DDR1: variants seen among roughly 807,000 people sequenced by gnomAD.
The protein encoded by DDR1 is discoidin domain receptor tyrosine kinase 1.
DDR1 carries 64 observed loss-of-function variants against 97.4 expected under a neutral mutation model. The ratio of observed to expected loss-of-function variants is 0.66; its 90% confidence interval spans 0.54 to 0.81. The LOEUF is 0.81. Ranked by LOEUF, DDR1 falls within the 30% of genes least tolerant of loss-of-function variation. The pLI is 0.00. For missense variants in DDR1, 990 were observed against 1,259.6 expected, an observed-to-expected ratio of 0.79 and a Z score of 3.24; for synonymous variants, 458 against 503.7, an observed-to-expected ratio of 0.91 and a Z score of 1.21.
chr6:30,891,025 C>A lies in DDR1; in HGVS notation c.470C>A (p.Pro157His), dbSNP rs1437728449. 6.2e-7 allele frequency: 1 copy of A among 1,612,722 alleles called. No individual in the cohort carries two copies. The highest frequency in any genetic ancestry group is 1.3e-5 in the African/African-American group (1 of 74,926). ...GGAGTGGTGCTGAAGGACCTTGGGC[C>A]CCCCATGGTTGCCCGACTGGTTCGC... ...PEGVVLKDLG[P>H]PMVARLVRFY... is the part of the protein sequence containing the mutation. The change falls in exon 5 of 18, where the codon CCC (proline) becomes CAC (histidine). Residue 157 changes from proline to histidine, a missense_variant. Transcript: ENST00000376568. The surrounding 1 kb of genome is among the most constrained non-coding windows in gnomAD (Gnocchi z 5.3).
Position 30,888,247 on chromosome 6 carries a change from T to C in DDR1, c.-42-441T>C, listed in dbSNP as rs1225345054. On this transcript the variant is annotated intron_variant, in intron 1 of 17. Coordinates refer to ENST00000376568, the MANE Select transcript of DDR1 (RefSeq NM_001297654.2). This position sits in a 1 kb window ranked among gnomAD's most constrained non-coding sequence, Gnocchi z 4.2. ...TGGGTTACTTATATATTTTTTCTTG[T>C]CAGTTCCTAAGGGGCCTTAGTTTAT... 1 of 156,830 alleles carries C rather than the reference T, an allele frequency of 6.4e-6. No individual in the cohort carries two copies. The highest frequency in any genetic ancestry group is 1.4e-5 in the Non-Finnish European group (1 of 71,398). The allele number at this position is 156,830 out of a possible 1,614,324, so 9.7% of individuals were successfully genotyped here.
intron 8 of DDR1, 128 bp downstream of exon 8, chr6:30,892,670 A>G: frequency 7.7e-7 from 1 of 1,296,918 alleles, no homozygotes; most frequent in South Asian, 1.5e-5. Flanking sequence ...AAACTTCTCA[A>G]TTAGGGGTGC....
At chr6:30,899,064 G>T (rs1158905045) in intron 17 of DDR1, 27 bp downstream of exon 17, 3 of 1,614,132 alleles carry the variant, frequency 1.9e-6, no homozygotes, top group Non-Finnish European at 2.5e-6. Flanking sequence ...GGGAAGATGG[G>T]TCCGAGGCGG....
In DDR1 at chr6:30,892,368, C is replaced by T. The variant is rs779635308; in HGVS notation, c.925C>T (p.Pro309Ser). 5.0e-6 allele frequency: 8 copies of T among 1,585,680 alleles called. No individual in the cohort carries two copies. The highest frequency in any genetic ancestry group is 6.9e-6 in the Non-Finnish European group (8 of 1,167,430). Residue 309 changes from proline (P) to serine (S), a missense_variant, in exon 8 of 18, where the codon CCT becomes TCT. Transcript: ENST00000376568. Reference sequence around the variant, plus strand: ...GGTGGAATGTCGCTTCCGGCGTGGCCCTGCCATGGCCTGGGAGGGGGAGCC... The same window carrying T: ...GGTGGAATGTCGCTTCCGGCGTGGCTCTGCCATGGCCTGGGAGGGGGAGCC... ...GGVECRFRRGPAMAWEGEPMR... is the reference protein window; with the variant it reads ...GGVECRFRRGSAMAWEGEPMR...
chr6:30,898,840 C>T (rs775637281), intron 16 of DDR1, 48 bp from the exon 17 acceptor site: 7 of 1,572,926 alleles, frequency 4.5e-6, no homozygotes, highest in Admixed American at 3.4e-5. Flanking sequence ...GGAGGGTCTA[C>T]GTTGCCTGAT....
rs751855794 is a variant in DDR1 at position 30,892,361 on chromosome 6, G to T, written c.918G>T (p.Arg306=). ...RLPGGVECRF[R]RGPAMAWEGE... ...CTGGCGGGGTGGAATGTCGCTTCCG[G>T]CGTGGCCCTGCCATGGCCTGGGAGG... Residue 306 remains arginine (R), a synonymous_variant, in exon 8 of 18, where the codon CGG becomes CGT. Coordinates refer to ENST00000376568, the MANE Select transcript of DDR1 (RefSeq NM_001297654.2). 2 of 1,583,956 alleles carry T rather than the reference G, an allele frequency of 1.3e-6. No homozygotes were observed. Among genetic ancestry groups the T allele is most frequent in the Non-Finnish European group, 8.6e-7 (1 of 1,166,098 alleles).
rs55787895 is a variant in DDR1 at position 30,894,663 on chromosome 6, A to G, written c.1505A>G (p.Asn502Ser). 16,628 of 1,602,992 alleles carry G rather than the reference A, an allele frequency of 0.01. 153 individuals carry two copies. The highest frequency in any genetic ancestry group is 0.064 in the Middle Eastern group (387 of 6,008). Residue 502 changes from asparagine to serine, a missense_variant, in exon 11 of 18, where the codon AAT (asparagine) becomes AGT (serine). Transcript: ENST00000376568. The surrounding 1 kb of genome is among the most constrained non-coding windows in gnomAD (Gnocchi z 5.7). ...NPPHSAPCVP[N>S]GSALLLSNPA... ...CCCCACTCCGCTCCCTGTGTCCCCA[A>G]TGGCTCTGGTAAGACCTGCCTTGTT... is the stretch of plus-strand genomic sequence containing the variant.
At position 30,891,878 on chromosome 6, in the gene DDR1, T is replaced by C; in HGVS notation, c.666-124T>C. The C allele has an allele frequency of 9.8e-7, 1 of 1,016,282 alleles. No homozygotes were observed. Among genetic ancestry groups the C allele is most frequent in the Admixed American group, 1.9e-5 (1 of 53,384 alleles). 63.0% of individuals were successfully genotyped at this position (1,016,282 alleles called of 1,614,324 possible). On this transcript the variant is annotated intron_variant, in intron 6 of 17. Transcript: ENST00000376568. The surrounding 1 kb of genome is among the most constrained non-coding windows in gnomAD (Gnocchi z 5.3). The stretch of plus-strand genomic sequence containing the variant: ...GCATGAGTGTGAGGTGGGATGGGAA[T>C]GGGACTAGTGGATGGGAGCCAGGCT...
chr6:30,896,501 A>G, intron 12 of DDR1, 120 bp from the exon 13 acceptor site: 1 of 1,272,630 alleles, frequency 7.9e-7, no homozygotes, highest in Non-Finnish European at 1.1e-6. Flanking sequence ...TACAGCATAG[A>G]CCCAGTCTCT....
In DDR1 at chr6:30,897,123, A is replaced by T; in HGVS notation, c.1979A>T (p.Asp660Val). ...LLVAVKILRP[D>V]ATKNARNDFL... The stretch of plus-strand genomic sequence containing the variant: ...GTAGCTGTCAAGATCTTACGGCCAG[A>T]TGCCACCAAGAATGCCAGGTGAGGA... Residue 660 changes from aspartate (D) to valine (V), a missense_variant, in exon 14 of 18, where the codon GAT becomes GTT. Physicochemically the swap from Asp to Val is radical, Grantham distance 152. Coordinates refer to ENST00000376568, the MANE Select transcript of DDR1 (RefSeq NM_001297654.2). The surrounding 1 kb of genome is among the most constrained non-coding windows in gnomAD (Gnocchi z 5.2). 6.2e-7 allele frequency: 1 copy of T among 1,613,920 alleles called. No homozygotes were observed. Among genetic ancestry groups the T allele is most frequent in the Non-Finnish European group, 8.5e-7 (1 of 1,179,962 alleles).
intron 1 of DDR1, chr6:30,885,112 C>CAGTT (rs1234373473): frequency 1.5e-6 from 2 of 1,300,724 alleles, no homozygotes; most frequent in East Asian, 5.1e-5. Context: ...AGCCAACACC[C>CAGTT]AGTTGGTCAG....
Position 30,889,450 on chromosome 6 carries a change from C to T in DDR1, c.417+20C>T, listed in dbSNP as rs1787190637. Reference sequence around the variant, plus strand: ...CAGGAGGTGAGACTGGCAGGGGCAGCACCCAGAGGAGGTTGGCTCTCCTCA... The same window carrying T: ...CAGGAGGTGAGACTGGCAGGGGCAGTACCCAGAGGAGGTTGGCTCTCCTCA... On this transcript the variant is annotated intron_variant, in intron 4 of 17. Transcript: ENST00000376568. The surrounding 1 kb of genome is among the most constrained non-coding windows in gnomAD (Gnocchi z 4.9). 6.1e-6 allele frequency: 9 copies of T among 1,477,768 alleles called. No individual in the cohort carries two copies. The highest frequency in any genetic ancestry group is 8.1e-6 in the Non-Finnish European group (9 of 1,115,046). 91.5% of individuals were successfully genotyped at this position (1,477,768 alleles called of 1,614,324 possible). A position where few individuals can be genotyped will look rare whatever the true frequency, so the allele number is the denominator to read the frequency against.
At position 30,897,244 on chromosome 6, in the gene DDR1, T is replaced by C. The variant is rs1791199137; in HGVS notation, c.1997+103T>C. The C allele has an allele frequency of 6.8e-7, 1 of 1,480,950 alleles. No homozygotes were observed. The highest frequency in any genetic ancestry group is 2.5e-5 in the East Asian group (1 of 39,882). 91.7% of individuals were successfully genotyped at this position (1,480,950 alleles called of 1,614,324 possible). The stretch of plus-strand genomic sequence containing the variant: ...CAGAGCCCAACAGAGGGGTGGCATC[T>C]CTGGGAGGGGATTTACATGTACGCT... On this transcript the variant is annotated intron_variant, in intron 14 of 17. Coordinates refer to ENST00000376568, the MANE Select transcript of DDR1 (RefSeq NM_001297654.2). The surrounding 1 kb of genome is among the most constrained non-coding windows in gnomAD (Gnocchi z 5.2).
At chr6:30,885,722 C>G (rs981506102) in intron 1 of DDR1, 12 of 1,298,800 alleles carry the variant, frequency 9.2e-6, no homozygotes, top group African/African-American at 1.5e-5. Context: ...TGTGTTTGCT[C>G]TGTCTCAGAA....
Position 30,893,415 on chromosome 6 carries a change from C to T in DDR1, c.1339C>T (p.Leu447Phe). ...CTGGCGGCTGCACTGGCGCAGGCTC[C>T]TCAGCAAGGTGGGCACAGCCGTGGC... ...MLWRLHWRRL[L>F]SKAERRVLEE... The change falls in exon 10 of 18, where the codon CTC becomes TTC. Residue 447 changes from leucine (L) to phenylalanine (F), a missense_variant. Physicochemically the swap from Leu to Phe is conservative, Grantham distance 22. Coordinates refer to ENST00000376568, the MANE Select transcript of DDR1 (RefSeq NM_001297654.2). The T allele has an allele frequency of 6.2e-7, 1 of 1,603,582 alleles. No individual in the cohort carries two copies. The highest frequency in any genetic ancestry group is 8.5e-7 in the Non-Finnish European group (1 of 1,179,504).
intron 12 of DDR1, among the ~76,000 whole-genome samples, chr6:30,896,013 AAG>A (rs1038709921): frequency 1.3e-5 from 2 of 151,914 alleles, no homozygotes; most frequent in African/African-American, 4.8e-5. Context: ...CCCCAGGGCT[AAG>A]AGGGGACAGC....
At chr6:30,885,690 G>C (rs991624836) in intron 1 of DDR1, 1 of 1,316,168 alleles carries the variant, frequency 7.6e-7, no homozygotes. Flanking sequence ...GGTGTGGACG[G>C]GTTGATGTAT....
Position 30,889,060 on chromosome 6 carries a change from G to T in DDR1, c.188+50G>T, listed in dbSNP as rs778125177. ...GTAGCTGCCCCGAGAGGAGCTCCTG[G>T]GACCTCTACTTCCCCTCCAACCCCT... On this transcript the variant is annotated intron_variant, in intron 3 of 17. Transcript: ENST00000376568. This position sits in a 1 kb window ranked among gnomAD's most constrained non-coding sequence, Gnocchi z 4.9. The T allele has an allele frequency of 3.1e-6, 5 of 1,601,870 alleles. No individual in the cohort carries two copies. The highest frequency in any genetic ancestry group is 4.3e-6 in the Non-Finnish European group (5 of 1,170,466).
Position 30,891,170 on chromosome 6 carries a change from G to C in DDR1, c.565+50G>C. On this transcript the variant is annotated intron_variant, in intron 5 of 17. Coordinates refer to ENST00000376568, the MANE Select transcript of DDR1 (RefSeq NM_001297654.2). This position sits in a 1 kb window ranked among gnomAD's most constrained non-coding sequence, Gnocchi z 5.3. The stretch of plus-strand genomic sequence containing the variant: ...TCTGTTTCCTGAGCAGGGGACTGGA[G>C]GGTGGGGAGTGTGGAGAATGGGCAT... The C allele has an allele frequency of 6.2e-7, 1 of 1,607,560 alleles. No homozygotes were observed. The highest frequency in any genetic ancestry group is 8.5e-7 in the Non-Finnish European group (1 of 1,178,028).
Sources: gnomAD v4.1 joint callset for allele counts (sites outside exome capture counted in the v4.1 genomes callset) on GRCh38, gnomAD v4.1.1 for gene constraint, Gnocchi (gnomAD v3.1) non-coding constraint, MANE v1.5 for transcripts, NCBI Gene and HGNC (gene_info 2026-07-23, HGNC 2026-07-21) for gene names.